The following SLC3A1 variants were observed in gnomAD, a reference collection of about 807,000 sequenced individuals.
SLC3A1 encodes amino acid transporter heavy chain SLC3A1.
SLC3A1 carries 78 observed loss-of-function variants against 60.3 expected under a neutral mutation model. The ratio of observed to expected loss-of-function variants is 1.29; its 90% CI spans 1.08 to 1.56. SLC3A1 has a LOEUF of 1.56. Ranked by LOEUF, SLC3A1 falls within the 40% of genes most tolerant of loss-of-function variation. The pLI, the probability that SLC3A1 is intolerant of heterozygous loss-of-function variation, is 0.00. For synonymous variants in SLC3A1, 392 were observed against 307.9 expected, an observed-to-expected ratio of 1.27 and a Z score of -2.86; for missense variants, 1,172 against 858.9, an observed-to-expected ratio of 1.36 and a Z score of -4.56.
chr2:44,291,005 G>A (rs1178623833), intron 4 of SLC3A1, among the ~76,000 whole-genome samples: 3 of 152,090 alleles, frequency 2.0e-5, no homozygotes, highest in Non-Finnish European at 2.9e-5. Context: ...CCTAATTTAC[G>A]AGGTTTTGTG....
chr2:44,276,048 C>T (rs1671336255), intron 1 of SLC3A1, 83 bp downstream of exon 1: 2 of 1,261,502 alleles, frequency 1.6e-6, no homozygotes, highest in Middle Eastern at 1.9e-4. Flanking sequence ...CAAATTATGC[C>T]TGGGTTGTTC....
rs371220013 is a variant in SLC3A1, at chr2:44,319,251, G to C, written c.1618-948G>C. 7.5e-4 allele frequency: 115 copies of C among 152,652 alleles called. 1 individual carries two copies. Among genetic ancestry groups the C allele is most frequent in the African/African-American group, 2.8e-3 (115 of 41,544 alleles). The allele number at this position is 152,652 out of a possible 1,614,324, so 9.5% of individuals were successfully genotyped here. ...TCACCCCAGTAAACATGGCTGGCAA[G>C]AATACAATTAAATGAACATTATCAC... On this transcript the variant is annotated intron_variant, in intron 9 of 9. Transcript: ENST00000260649.
In SLC3A1 at chr2:44,312,574, T is replaced by A. The variant is rs183158004; in HGVS notation, c.1333-12T>A. The A allele has an allele frequency of 2.5e-4, 397 of 1,613,696 alleles. 3 individuals carry two copies. The African/African-American group carries it at 4.9e-3, about 20-fold the overall frequency. ...GTATACAGCTGTGTTCTTAAAAATA[T>A]CTGCCTTTCAGATTGGTGGACCAGA... On this transcript the variant is annotated splice_polypyrimidine_tract_variant and intron_variant, in intron 7 of 9. Coordinates refer to ENST00000260649, the MANE Select transcript of SLC3A1 (RefSeq NM_000341.4).
At chr2:44,301,520 C>T (rs1336093251) in intron 6 of SLC3A1, 2 of 352,726 alleles carry the variant, frequency 5.7e-6, no homozygotes, top group South Asian at 2.6e-5. Flanking sequence ...GCAGGCGGAT[C>T]ACGAGGTCAG....
Position 44,301,067 on chromosome 2 carries a change from A to T in SLC3A1, c.1076A>T (p.Asp359Val). The T allele has an allele frequency of 6.2e-7, 1 of 1,614,176 alleles. No homozygotes were observed. Among genetic ancestry groups the T allele is most frequent in the Non-Finnish European group, 8.5e-7 (1 of 1,180,026 alleles). Residue 359 changes from aspartate (D) to valine (V), a missense_variant, in exon 6 of 10, where the codon GAC (aspartate) becomes GTC (valine). Asp to Val is a radical substitution (Grantham distance 152). Transcript: ENST00000260649. ...ACCACCACGCAGGTGGGAATGCACG[A>T]CATTGTCCGCAGCTTCCGGCAGACC... Reference protein sequence around the residue: ...DFTTTQVGMHDIVRSFRQTMD... With the variant: ...DFTTTQVGMHVIVRSFRQTMD...
Position 44,275,706 on chromosome 2 carries a change from C to T in SLC3A1, c.171C>T (p.Pro57=), listed in dbSNP as rs758743966. 1.9e-5 allele frequency: 31 copies of T among 1,614,158 alleles called. No individual in the cohort carries two copies. Among genetic ancestry groups the T allele is most frequent in the South Asian group, 1.2e-4 (11 of 91,082 alleles). The stretch of plus-strand genomic sequence containing the variant: ...GGGGCATCCTTGGCTCCCAGGAGCC[C>T]GACTTCAAGGGCGTCCAGCCCTATG... ...STRGILGSQE[P]DFKGVQPYAG... is the part of the protein sequence containing the mutation. Residue 57 remains proline (P), a synonymous_variant, in exon 1 of 10, where the codon CCC becomes CCT. Transcript: ENST00000260649.
intron 4 of SLC3A1, among the ~76,000 whole-genome samples, chr2:44,299,668 T>A (rs1238584733): frequency 1.3e-5 from 2 of 152,244 alleles, no homozygotes; most frequent in Middle Eastern, 6.3e-3. Context: ...TATGGTTTCA[T>A]TCTTTCATTT....
intron 9 of SLC3A1, chr2:44,314,330 G>C: frequency 4.3e-6 from 2 of 470,460 alleles, no homozygotes; most frequent in Non-Finnish European, 7.7e-6. Flanking sequence ...AGGCAGTAAG[G>C]AGATCAATCA....
intron 9 of SLC3A1, chr2:44,315,124 G>C (rs1208383088): frequency 6.6e-6 from 1 of 151,750 alleles, no homozygotes; most frequent in Non-Finnish European, 1.5e-5. Context: ...TGTATTTTTA[G>C]TGGAGACGGG....
At chr2:44,315,653 CAAAAAA>C (rs70965350) in intron 9 of SLC3A1, among the ~76,000 whole-genome samples, 2 of 52,618 alleles carry the variant, frequency 3.8e-5, no homozygotes, top group Non-Finnish European at 6.6e-5. Flanking sequence ...AAGACCGCCT[CAAAAAA>C]AAAAAAAAAA....
At chr2:44,302,290 C>T (rs1047386853) in intron 6 of SLC3A1, among the ~76,000 whole-genome samples, 5 of 152,048 alleles carry the variant, frequency 3.3e-5, no homozygotes, top group Admixed American at 3.3e-4. Context: ...TAGCAATAAC[C>T]TCTATAAGGC....
intron 1 of SLC3A1, among the ~76,000 whole-genome samples, chr2:44,277,103 C>CTTTT (rs1222833364): frequency 6.8e-4 from 64 of 94,812 alleles, no homozygotes; most frequent in East Asian, 8.7e-4. Flanking sequence ...TCTCTCTCTT[C>CTTTT]TTTTTTTTTT....
At chr2:44,299,371 G>A (rs1671942060) in intron 4 of SLC3A1, among the ~76,000 whole-genome samples, 1 of 152,164 alleles carries the variant, frequency 6.6e-6, no homozygotes, top group Non-Finnish European at 1.5e-5. Flanking sequence ...GTGTATTCAA[G>A]ACAACACTAG....
At chr2:44,309,884 C>T (rs979665110) in intron 7 of SLC3A1, among the ~76,000 whole-genome samples, 2 of 151,894 alleles carry the variant, frequency 1.3e-5, no homozygotes, top group Non-Finnish European at 2.9e-5. Context: ...AGGCATAAGC[C>T]ACTGTGCCCA....
chr2:44,301,456 C>G, intron 6 of SLC3A1: 1 of 501,690 alleles, frequency 2.0e-6, no homozygotes, highest in Non-Finnish European at 3.6e-6. Flanking sequence ...AAAACCAGTT[C>G]CAGGCCGGGC....
At chr2:44,286,541 C>T (rs868829161) in intron 4 of SLC3A1, among the ~76,000 whole-genome samples, 90 of 107,982 alleles carry the variant, frequency 8.3e-4, no homozygotes, top group African/African-American at 2.6e-3. Flanking sequence ...TGACGGTGAG[C>T]TGTGCGGTGC....
chr2:44,303,359 T>C (rs923484770), intron 6 of SLC3A1, among the ~76,000 whole-genome samples: 2 of 150,964 alleles, frequency 1.3e-5, no homozygotes, highest in Non-Finnish European at 3.0e-5. Context: ...TTCTCCTGCC[T>C]TGGCCTTCCG....
intron 6 of SLC3A1, among the ~76,000 whole-genome samples, chr2:44,302,500 G>A (rs1270844739): frequency 2.0e-5 from 3 of 152,188 alleles, no homozygotes; most frequent in African/African-American, 7.2e-5. Flanking sequence ...GAGGCTCTGA[G>A]CATGTAAGTA....
chr2:44,298,568 G>C (rs1671916038), intron 4 of SLC3A1, among the ~76,000 whole-genome samples: 1 of 152,166 alleles, frequency 6.6e-6, no homozygotes, highest in Non-Finnish European at 1.5e-5. Flanking sequence ...AGTAGAGGCG[G>C]GGTTTTACCA....
Sources: gnomAD v4.1 joint callset for allele counts (sites outside exome capture counted in the v4.1 genomes callset) on GRCh38, gnomAD v4.1.1 for gene constraint, MANE v1.5 for transcripts, NCBI Gene and HGNC (gene_info 2026-07-23, HGNC 2026-07-21) for gene names.